MAPT: variants seen among roughly 807,000 people sequenced by gnomAD.
MAPT encodes the protein microtubule associated protein tau.
MAPT carries 34 observed loss-of-function variants against 67.9 expected under a neutral mutation model. The ratio of observed to expected loss-of-function variants is 0.50; its 90% CI spans 0.38 to 0.67. The LOEUF (loss-of-function observed/expected upper bound fraction) is 0.67, where lower values mean the gene tolerates loss of function less well. Ranked by LOEUF, MAPT falls within the 30% of genes least tolerant of loss-of-function variation. MAPT has a pLI of 0.00. For synonymous variants in MAPT, 456 were observed against 464.5 expected (o/e 0.98, Z 0.23); for missense variants, 881 against 1,115.2 (o/e 0.79, Z 2.99).
chr17:46,022,075 T>A (rs2146200569), intron 12 of MAPT, among the ~76,000 whole-genome samples: 1 of 152,206 alleles, frequency 6.6e-6, no homozygotes, highest in South Asian at 2.1e-4. Flanking sequence ...CAGTAACAGG[T>A]CAGGCATGGT....
chr17:45,907,435 A>G (rs1232967276), intron 1 of MAPT, among the ~76,000 whole-genome samples: 2 of 152,184 alleles, frequency 1.3e-5, no homozygotes, highest in African/African-American at 4.8e-5. Flanking sequence ...TGTAGGACTC[A>G]TCTGCCCACA....
At chr17:45,904,220 T>TTA (rs1299782020) in intron 1 of MAPT, among the ~76,000 whole-genome samples, 2 of 46,332 alleles carry the variant, frequency 4.3e-5, no homozygotes, top group Non-Finnish European at 7.9e-5. Flanking sequence ...ATTATATATA[T>TTA]TATATATATT....
At chr17:45,900,802 C>T (rs2063564192) in intron 1 of MAPT, among the ~76,000 whole-genome samples, 1 of 152,160 alleles carries the variant, frequency 6.6e-6, no homozygotes, top group Non-Finnish European at 1.5e-5. Flanking sequence ...TGTTTAGCTG[C>T]TTGGAGAGTT....
intron 1 of MAPT, among the ~76,000 whole-genome samples, chr17:45,937,676 A>G (rs2067469364): frequency 1.3e-5 from 2 of 151,452 alleles, no homozygotes; most frequent in South Asian, 4.2e-4. Context: ...AGCCCAGAAG[A>G]GTGTGGGGAG....
Position 45,983,491 on chromosome 17 carries a change from C to A in MAPT, c.912C>A (p.Pro304=), listed in dbSNP as rs142327009. The A allele has an allele frequency of 2.4e-5, 39 of 1,611,810 alleles. No individual in the cohort carries two copies. Among genetic ancestry groups the A allele is most frequent in the South Asian group, 8.8e-5 (8 of 91,000 alleles). The change falls in exon 5 of 13, where the codon CCC becomes CCA. Residue 304 remains proline (P), a synonymous_variant. Coordinates refer to ENST00000262410, the MANE Select transcript of MAPT (RefSeq NM_001377265.1). ...DEDRDVDESS[P]QDSPPSKASP... Reference sequence around the variant, plus strand: ...ACCGCGACGTCGATGAGTCCTCCCCCCAAGACTCCCCTCCCTCCAAGGCCT... The same window carrying A: ...ACCGCGACGTCGATGAGTCCTCCCCACAAGACTCCCCTCCCTCCAAGGCCT...
chr17:45,990,373 G>T (rs2073963938), intron 7 of MAPT: 4 of 478,974 alleles, frequency 8.4e-6, no homozygotes, highest in Non-Finnish European at 1.5e-5. Flanking sequence ...CAGCTCTTTA[G>T]GAGGCCGAGG....
chr17:45,903,409 T>C (rs1323288240), intron 1 of MAPT, among the ~76,000 whole-genome samples: 1 of 151,894 alleles, frequency 6.6e-6, no homozygotes, highest in East Asian at 1.9e-4. Flanking sequence ...AGAGACTTCT[T>C]GGGTAATTAA....
At chr17:45,978,489 A>G in intron 4 of MAPT, 49 bp downstream of exon 4, 1 of 1,335,130 alleles carries the variant, frequency 7.5e-7, no homozygotes, top group Non-Finnish European at 1.1e-6. Context: ...GGGGGGAGGG[A>G]CATGGGGTGG....
chr17:45,941,692 T>TTCCCTCCTTCCC (rs1352965099), intron 1 of MAPT, among the ~76,000 whole-genome samples: 1 of 71,718 alleles, frequency 1.4e-5, no homozygotes, highest in Non-Finnish European at 2.6e-5. Context: ...CCTTCCTTCC[T>TTCCCTCCTTCCC]TCCTTCCTGC....
At position 45,996,667 on chromosome 17, in the gene MAPT, G is replaced by C; in HGVS notation, c.1998+3G>C. On this transcript the variant is annotated splice_donor_region_variant and intron_variant, in intron 9 of 12. Transcript: ENST00000262410. This position sits in a 1 kb window ranked among gnomAD's most constrained non-coding sequence, Gnocchi z 4.5. Reference sequence around the variant, plus strand: ...AGCACCAGCCGGGAGGCGGGAAGGTGAGAGTGGCTGGCTGCGCGTGGAGGT... The same window carrying C: ...AGCACCAGCCGGGAGGCGGGAAGGTCAGAGTGGCTGGCTGCGCGTGGAGGT... 1.9e-6 allele frequency: 3 copies of C among 1,613,608 alleles called. No homozygotes were observed. The highest frequency in any genetic ancestry group is 2.5e-6 in the Non-Finnish European group (3 of 1,179,788).
At position 46,012,416 on chromosome 17, in the gene MAPT, C is replaced by G. The variant is rs371656809; in HGVS notation, c.2092-1827C>G. Among the ~76,000 whole-genome samples the G allele has an allele frequency of 5.1e-4, 77 of 152,254 alleles. 1 individual carries two copies. Among genetic ancestry groups the G allele is most frequent in the African/African-American group, 1.8e-3 (75 of 41,556 alleles). On this transcript the variant is annotated intron_variant, in intron 10 of 12. Coordinates refer to ENST00000262410, the MANE Select transcript of MAPT (RefSeq NM_001377265.1). ...GCTTGTCTGCGGTCTAGCCTGTGAC[C>G]TGGCAGAGAGCCACCAGATGTCCCG...
At chr17:45,899,633 T>A (rs1030425395) in intron 1 of MAPT, among the ~76,000 whole-genome samples, 1 of 152,136 alleles carries the variant, frequency 6.6e-6, no homozygotes, top group Non-Finnish European at 1.5e-5. Flanking sequence ...CCAGATATGA[T>A]CTATAACATT....
chr17:45,953,190 G>A (rs1048229866), intron 1 of MAPT, among the ~76,000 whole-genome samples: 6 of 152,228 alleles, frequency 3.9e-5, no homozygotes, highest in Admixed American at 6.5e-5. Context: ...CCTACCTGGC[G>A]AAGCTGTCGT....
intron 1 of MAPT, among the ~76,000 whole-genome samples, chr17:45,900,909 T>G (rs935265746): frequency 2.0e-5 from 3 of 152,158 alleles, no homozygotes; most frequent in Non-Finnish European, 2.9e-5. Flanking sequence ...GCCAAGCACA[T>G]AGTAACTGCT....
chr17:45,967,206 T>G (rs962887164), intron 2 of MAPT, among the ~76,000 whole-genome samples: 1 of 152,168 alleles, frequency 6.6e-6, no homozygotes, highest in African/African-American at 2.4e-5. Context: ...TGCACCCTAA[T>G]GAATTAAAAG....
intron 1 of MAPT, among the ~76,000 whole-genome samples, chr17:45,920,468 T>A (rs1474525286): frequency 6.6e-6 from 1 of 152,218 alleles, no homozygotes; most frequent in Non-Finnish European, 1.5e-5. Flanking sequence ...ACACAGGGCA[T>A]TGCGGTGGCC....
rs760875521 is a variant in MAPT at position 46,024,111 on chromosome 17, G to A, written c.2442G>A (p.Ser814=). The A allele has an allele frequency of 3.1e-6, 5 of 1,614,022 alleles. No homozygotes were observed. Among genetic ancestry groups the A allele is most frequent in the East Asian group, 4.5e-5 (2 of 44,900 alleles). ...SSTGSIDMVD[S]PQLATLADEV... is the part of the protein sequence containing the mutation. ...CCGGCAGCATCGACATGGTAGACTC[G>A]CCCCAGCTCGCCACGCTAGCTGACG... Residue 814 remains serine, a synonymous_variant, in exon 13 of 13, where the codon TCG becomes TCA. Coordinates refer to ENST00000262410, the MANE Select transcript of MAPT (RefSeq NM_001377265.1).
chr17:45,907,377 G>A (rs370519949), intron 1 of MAPT, among the ~76,000 whole-genome samples: 5 of 152,162 alleles, frequency 3.3e-5, no homozygotes, highest in Admixed American at 2.0e-4. Flanking sequence ...CTGTGGCAGC[G>A]CCGTGCTCCC....
chr17:45,962,221 C>T, intron 1 of MAPT, 100 bp from the exon 2 acceptor site: 1 of 989,360 alleles, frequency 1.0e-6, no homozygotes, highest in Non-Finnish European at 1.6e-6. Context: ...AGGCTGAGAT[C>T]TGCCTGCCAT....
Sources: gnomAD v4.1 joint callset for allele counts (sites outside exome capture counted in the v4.1 genomes callset) on GRCh38, gnomAD v4.1.1 for gene constraint, Gnocchi (gnomAD v3.1) non-coding constraint, MANE v1.5 for transcripts, NCBI Gene and HGNC (gene_info 2026-07-23, HGNC 2026-07-21) for gene names.